Variants in SYNE1 observed in about 807,000 individuals in gnomAD.
The protein encoded by SYNE1 is nesprin-1.
Under a neutral mutation model 1,111.0 loss-of-function variants are expected in SYNE1, and 616 were observed. That is an observed-to-expected ratio of 0.55 (90% CI 0.52 to 0.59). The LOEUF (loss-of-function observed/expected upper bound fraction) is 0.59, where lower values mean the gene tolerates loss of function less well. Among genes scored for constraint, SYNE1 ranks in the 20% least tolerant of loss-of-function variants. The pLI is 0.00. For missense variants in SYNE1, 10,006 were observed against 10,417.0 expected (o/e 0.96, Z 1.72); for synonymous variants, 3,855 against 3,825.8 (o/e 1.01, Z -0.28).
At chr6:152,584,141 G>A (rs919147684) in intron 3 of SYNE1, among the ~76,000 whole-genome samples, 5 of 152,012 alleles carry the variant, frequency 3.3e-5, no homozygotes, top group Non-Finnish European at 5.9e-5. Flanking sequence ...CTGCTAAATC[G>A]GGGAGCACAA....
chr6:152,258,681 G>A (rs760759559), intron 101 of SYNE1, among the ~76,000 whole-genome samples: 2 of 151,760 alleles, frequency 1.3e-5, no homozygotes, highest in Admixed American at 6.6e-5. Context: ...GCAATGATAT[G>A]GTGTAGCATT....
chr6:152,326,342 G>C lies in SYNE1; in HGVS notation c.15247C>G (p.Gln5083Glu). 6.2e-7 allele frequency: 1 copy of C among 1,614,092 alleles called. No homozygotes were observed. Among genetic ancestry groups the C allele is most frequent in the Non-Finnish European group, 8.5e-7 (1 of 1,179,984 alleles). Residue 5083 changes from glutamine to glutamate, a missense_variant, in exon 79 of 146, where the codon CAG (glutamine) becomes GAG (glutamate). Physicochemically the swap from Gln to Glu is conservative, Grantham distance 29 (BLOSUM62 2). This residue lies in a region of SYNE1 where 4,955 missense variants were observed against 5,017.2 expected (regional missense o/e 0.99). Coordinates refer to ENST00000367255, the MANE Select transcript of SYNE1 (RefSeq NM_182961.4). ...QKVASLELRS[Q>E]RMSRDSGAQV... ...GCACCAGAGTCCCGGCTCATCCTCT[G>C]GCTCCTGAGTTCCAGAGAAGCCACT...
At chr6:152,250,831 A>T (rs1414144824) in intron 104 of SYNE1, among the ~76,000 whole-genome samples, 12 of 152,194 alleles carry the variant, frequency 7.9e-5, no homozygotes, top group Admixed American at 7.9e-4. Flanking sequence ...CATTATCTAC[A>T]TATGTGTGTA....
In SYNE1 at chr6:152,465,135, G is replaced by T. The variant is rs548776709; in HGVS notation, c.1932+123C>A. On this transcript the variant is annotated intron_variant, in intron 18 of 145. Transcript: ENST00000367255. ...CTAACCTGAAAGTGCAACTTTTCAG[G>T]CAAAGTCAAGATTCTTGAGTGACAC... 4.5e-5 allele frequency: 51 copies of T among 1,121,732 alleles called. No homozygotes were observed. In the Admixed American group the frequency reaches 7.3e-4, roughly 16 times the overall value. The allele number at this position is 1,121,732 out of a possible 1,614,324, so 69.5% of individuals were successfully genotyped here.
intron 125 of SYNE1, among the ~76,000 whole-genome samples, chr6:152,206,896 A>G (rs1489375503): frequency 2.0e-5 from 3 of 152,176 alleles, no homozygotes; most frequent in Non-Finnish European, 2.9e-5. Flanking sequence ...GTAGGAGATG[A>G]GGCCAGACGA....
At position 152,381,171 on chromosome 6, in the gene SYNE1, G is replaced by A. The variant is rs750603610; in HGVS notation, c.8844C>T (p.Val2948=). The A allele has an allele frequency of 7.9e-5, 127 of 1,614,094 alleles. No individual in the cohort carries two copies. The highest frequency in any genetic ancestry group is 1.0e-4 in the Non-Finnish European group (123 of 1,180,050). The change falls in exon 56 of 146, where the codon GTC becomes GTT. Residue 2948 remains valine (V), a synonymous_variant. Coordinates refer to ENST00000367255, the MANE Select transcript of SYNE1 (RefSeq NM_182961.4). ...CCTGCTCCGAAAGGGCCATCTGGCTGACCAGGTTCTCCAAACAGCTCTGCG... is the reference window on the plus strand; with the variant it reads ...CCTGCTCCGAAAGGGCCATCTGGCTAACCAGGTTCTCCAAACAGCTCTGCG... ...FQTQSCLENL[V]SQMALSEQEF... is the part of the protein sequence containing the mutation.
chr6:152,351,530 CTATT>C (rs2096740333), intron 70 of SYNE1, among the ~76,000 whole-genome samples: 2 of 152,346 alleles, frequency 1.3e-5, no homozygotes, highest in South Asian at 4.1e-4. Flanking sequence ...AGCCACATCA[CTATT>C]TATTCTTTCA....
At chr6:152,152,950 C>T (rs1007854295) in intron 133 of SYNE1, among the ~76,000 whole-genome samples, 3 of 151,982 alleles carry the variant, frequency 2.0e-5, no homozygotes, top group African/African-American at 7.3e-5. Flanking sequence ...TGTAGAAGAG[C>T]CCTATAGCAT....
chr6:152,177,199 T>C (rs191623624), intron 129 of SYNE1, among the ~76,000 whole-genome samples: 1 of 152,322 alleles, frequency 6.6e-6, no homozygotes, highest in Admixed American at 6.5e-5. Flanking sequence ...CTTCTTAATT[T>C]ACTCACTTTC....
intron 66 of SYNE1, among the ~76,000 whole-genome samples, chr6:152,358,091 C>G (rs1291462535): frequency 6.6e-6 from 1 of 152,194 alleles, no homozygotes; most frequent in Non-Finnish European, 1.5e-5. Flanking sequence ...AGCCAGAAAA[C>G]CCCATCAATT....
intron 16 of SYNE1, among the ~76,000 whole-genome samples, chr6:152,467,235 T>C (rs1394732326): frequency 6.6e-6 from 1 of 152,120 alleles, no homozygotes; most frequent in Non-Finnish European, 1.5e-5. Flanking sequence ...ATAACTTTAA[T>C]TGGCTTTATT....
chr6:152,547,586 G>A (rs183599225), intron 3 of SYNE1, among the ~76,000 whole-genome samples: 65 of 152,224 alleles, frequency 4.3e-4, no homozygotes, highest in African/African-American at 1.5e-3. Context: ...GAAACACAGA[G>A]GCCTAGGATA....
At chr6:152,504,510 C>T (rs1209665368) in intron 9 of SYNE1, among the ~76,000 whole-genome samples, 1 of 152,154 alleles carries the variant, frequency 6.6e-6, no homozygotes. Context: ...AAATAATTTG[C>T]TTTCACTGTA....
Position 152,407,127 on chromosome 6 carries a change from A to T in SYNE1, c.6610T>A (p.Ser2204Thr). 2 of 1,614,022 alleles carry T rather than the reference A, an allele frequency of 1.2e-6. No individual in the cohort carries two copies. Among genetic ancestry groups the T allele is most frequent in the Non-Finnish European group, 1.7e-6 (2 of 1,179,998 alleles). Residue 2204 changes from serine (S) to threonine (T), a missense_variant, in exon 45 of 146, where the codon TCA (serine) becomes ACA (threonine). Physicochemically the swap from Ser to Thr is moderately conservative, Grantham distance 58. This residue lies in a region of SYNE1 where 4,955 missense variants were observed against 5,017.2 expected (regional missense o/e 0.99). Transcript: ENST00000367255. ...VSLSIWDDVL[S>T]TRDEIEGWSN... ...CATCCCTCAATCTCATCTCTAGTTGACAGTACATCATCCCAAATGGACAGG... is the reference window on the plus strand; with the variant it reads ...CATCCCTCAATCTCATCTCTAGTTGTCAGTACATCATCCCAAATGGACAGG...
rs1201770796 is a variant in SYNE1 at position 152,155,965 on chromosome 6, T to A, written c.23923A>T (p.Asn7975Tyr). The change falls in exon 132 of 146, where the codon AAC becomes TAC. Residue 7975 changes from asparagine to tyrosine, a missense_variant. Transcript: ENST00000367255. Reference sequence around the variant, plus strand: ...ATGTTTCTCCACCGCCGGTCCAGGTTTCTCGTAGCCTGCTGTATAGAGTCA... The same window carrying A: ...ATGTTTCTCCACCGCCGGTCCAGGTATCTCGTAGCCTGCTGTATAGAGTCA... ...ECDSIQQATR[N>Y]LDRRWRNICA... The A allele has an allele frequency of 1.2e-6, 2 of 1,614,188 alleles. No homozygotes were observed. Among genetic ancestry groups the A allele is most frequent in the Non-Finnish European group, 1.7e-6 (2 of 1,180,024 alleles).
At chr6:152,606,772 C>T (rs2099616015) in intron 3 of SYNE1, among the ~76,000 whole-genome samples, 3 of 151,696 alleles carry the variant, frequency 2.0e-5, no homozygotes, top group South Asian at 4.2e-4. Flanking sequence ...CTCAGCCTCC[C>T]AAGTGGCTGG....
intron 4 of SYNE1, among the ~76,000 whole-genome samples, chr6:152,526,498 A>G: frequency 6.6e-6 from 1 of 152,216 alleles, no homozygotes; most frequent in East Asian, 1.9e-4. Flanking sequence ...AGAGGATACT[A>G]TCAACCTAAA....
chr6:152,126,672 G>T (rs1034655573), intron 145 of SYNE1: 2 of 152,120 alleles, frequency 1.3e-5, no homozygotes, highest in African/African-American at 4.8e-5. Context: ...GTAAATAGCT[G>T]CCCAGGAGTT....
At chr6:152,351,975 T>G in intron 70 of SYNE1, 52 bp downstream of exon 70, 1 of 1,556,840 alleles carries the variant, frequency 6.4e-7, no homozygotes, top group Non-Finnish European at 8.8e-7. Flanking sequence ...CTCCCTCCCA[T>G]TTGGTCTCTG....
Sources: gnomAD v4.1 joint callset for allele counts (sites outside exome capture counted in the v4.1 genomes callset) on GRCh38, gnomAD v4.1.1 for gene constraint, gnomAD v4.1.1 regional missense constraint, MANE v1.5 for transcripts, NCBI Gene and HGNC (gene_info 2026-07-23, HGNC 2026-07-21) for gene names.